The following IMMP2L variants were observed in gnomAD, a reference collection of about 807,000 sequenced individuals.
IMMP2L encodes the protein inner mitochondrial membrane peptidase subunit 2.
In IMMP2L, 18 loss-of-function variants were observed where a neutral mutation model predicts 19.3. The observed-to-expected ratio is 0.93, with a 90% CI of 0.64 to 1.38. The LOEUF is 1.38. Among genes scored for constraint, IMMP2L ranks in the 40% most tolerant of loss-of-function variants. The probability of loss-of-function intolerance (pLI) is 0.00; values close to 1 mark genes in which losing one functional copy is unlikely to be tolerated. For synonymous variants in IMMP2L, 76 were observed against 73.0 expected, an observed-to-expected ratio of 1.04 and a Z score of -0.21; for missense variants, 233 against 218.2, an observed-to-expected ratio of 1.07 and a Z score of -0.43.
intron 3 of IMMP2L, among the ~76,000 whole-genome samples, chr7:111,012,215 T>G (rs1825042087): frequency 6.6e-6 from 1 of 152,200 alleles, no homozygotes; most frequent in African/African-American, 2.4e-5. Flanking sequence ...ATGCACCATT[T>G]CTGATGAGAT....
chr7:111,287,823 A>G (rs1820663359), intron 3 of IMMP2L, among the ~76,000 whole-genome samples: 1 of 152,192 alleles, frequency 6.6e-6, no homozygotes, highest in African/African-American at 2.4e-5. Flanking sequence ...AGACAGGAGA[A>G]CTTCCACGGA....
chr7:111,489,935 C>G (rs1327228896), intron 2 of IMMP2L, among the ~76,000 whole-genome samples: 1 of 151,924 alleles, frequency 6.6e-6, no homozygotes, highest in Non-Finnish European at 1.5e-5. Flanking sequence ...AGAGCTGCGA[C>G]TACAGGTGTG....
intron 3 of IMMP2L, among the ~76,000 whole-genome samples, chr7:111,085,003 TA>T (rs1796194499): frequency 6.6e-6 from 1 of 151,936 alleles, no homozygotes; most frequent in Non-Finnish European, 1.5e-5. Flanking sequence ...AGAAAAGGAG[TA>T]AAAGTCAATC....
At chr7:111,194,891 A>G (rs1233508725) in intron 3 of IMMP2L, among the ~76,000 whole-genome samples, 4 of 152,098 alleles carry the variant, frequency 2.6e-5, no homozygotes, top group Non-Finnish European at 5.9e-5. Context: ...CTAAATTTCC[A>G]GTTTTTTTGC....
chr7:110,993,863 C>T (rs1822746057), intron 3 of IMMP2L, among the ~76,000 whole-genome samples: 1 of 152,092 alleles, frequency 6.6e-6, no homozygotes, highest in Admixed American at 6.6e-5. Context: ...CCTAGGGAAA[C>T]ATGCTAGACA....
chr7:111,018,514 A>G (rs1468179556), intron 3 of IMMP2L, among the ~76,000 whole-genome samples: 1 of 152,066 alleles, frequency 6.6e-6, no homozygotes, highest in East Asian at 1.9e-4. Flanking sequence ...AAGATCTACA[A>G]CGTAGAAACA....
chr7:111,100,731 T>A (rs1797882662), intron 3 of IMMP2L, among the ~76,000 whole-genome samples: 1 of 151,300 alleles, frequency 6.6e-6, no homozygotes, highest in Non-Finnish European at 1.5e-5. Context: ...TTTAGAAGTG[T>A]AATGTATGTA....
chr7:111,554,649 G>A (rs1031755112), intron 1 of IMMP2L, among the ~76,000 whole-genome samples: 1 of 151,812 alleles, frequency 6.6e-6, no homozygotes, highest in Non-Finnish European at 1.5e-5. Context: ...TTGAGATGGA[G>A]TCTTGCTCTG....
At chr7:111,381,236 A>AT (rs1320474133) in intron 3 of IMMP2L, among the ~76,000 whole-genome samples, 2 of 151,900 alleles carry the variant, frequency 1.3e-5, no homozygotes, top group Non-Finnish European at 2.9e-5. Flanking sequence ...CTAAGCTGAG[A>AT]TTTTTTTGAC....
intron 3 of IMMP2L, among the ~76,000 whole-genome samples, chr7:111,137,473 C>G (rs756962800): frequency 6.6e-6 from 1 of 152,100 alleles, no homozygotes; most frequent in Non-Finnish European, 1.5e-5. Flanking sequence ...GTTTTATCTA[C>G]TTAGTAAGAT....
intron 3 of IMMP2L, among the ~76,000 whole-genome samples, chr7:111,476,263 A>G (rs991379056): frequency 6.6e-6 from 1 of 152,194 alleles, no homozygotes; most frequent in Non-Finnish European, 1.5e-5. Context: ...AAGAACTGGC[A>G]AATAGAGGCT....
chr7:110,894,408 A>T (rs1811118428), intron 4 of IMMP2L, among the ~76,000 whole-genome samples: 1 of 152,172 alleles, frequency 6.6e-6, no homozygotes, highest in East Asian at 1.9e-4. Context: ...TGATATTATC[A>T]TTCTTTCCAT....
chr7:110,703,629 T>C (rs1372084442), intron 5 of IMMP2L, among the ~76,000 whole-genome samples: 5 of 152,128 alleles, frequency 3.3e-5, no homozygotes, highest in African/African-American at 9.7e-5. Flanking sequence ...GTATGAGCTA[T>C]GAAAAGCAAT....
intron 5 of IMMP2L, among the ~76,000 whole-genome samples, chr7:110,667,251 C>T (rs562708176): frequency 2.2e-4 from 33 of 152,216 alleles, no homozygotes; most frequent in Non-Finnish European, 4.1e-4. Flanking sequence ...TCTATTTATA[C>T]TCAATTTTAG....
chr7:111,395,660 A>G (rs1426733322), intron 3 of IMMP2L, among the ~76,000 whole-genome samples: 1 of 152,184 alleles, frequency 6.6e-6, no homozygotes, highest in Non-Finnish European at 1.5e-5. Flanking sequence ...AAGTTAATTG[A>G]AAGCATAGTA....
chr7:110,723,117 T>A (rs1186650665), intron 5 of IMMP2L, among the ~76,000 whole-genome samples: 1 of 152,120 alleles, frequency 6.6e-6, no homozygotes, highest in African/African-American at 2.4e-5. Flanking sequence ...CACTCTTGTG[T>A]AAGTAATAAA....
intron 3 of IMMP2L, among the ~76,000 whole-genome samples, chr7:111,193,173 G>C (rs1471842712): frequency 1.3e-5 from 2 of 152,138 alleles, no homozygotes; most frequent in Non-Finnish European, 2.9e-5. Flanking sequence ...CTTTTGTGAA[G>C]TATGTGGAGA....
At chr7:110,759,915 A>T (rs1798251879) in intron 5 of IMMP2L, among the ~76,000 whole-genome samples, 1 of 152,002 alleles carries the variant, frequency 6.6e-6, no homozygotes, top group Non-Finnish European at 1.5e-5. Flanking sequence ...CAACCCAGTT[A>T]CTCCTTTTAC....
chr7:111,542,077 C>T (rs1848548461), intron 1 of IMMP2L, among the ~76,000 whole-genome samples: 1 of 151,992 alleles, frequency 6.6e-6, no homozygotes, highest in South Asian at 2.1e-4. Flanking sequence ...ATATTAACCT[C>T]AGTACAAATA....
Sources: allele counts gnomAD v4.1 joint callset (sites outside exome capture counted in the v4.1 genomes callset), GRCh38; gene constraint gnomAD v4.1.1; transcripts MANE v1.5; gene names NCBI Gene and HGNC (gene_info 2026-07-23, HGNC 2026-07-21).